TMCO6: variants seen among roughly 807,000 people sequenced by gnomAD.
TMCO6 encodes transmembrane and coiled-coil domains 6, also known as transmembrane and coiled-coil domain-containing protein 6.
TMCO6 carries 47 observed loss-of-function variants against 61.8 expected under a neutral mutation model. That is an observed-to-expected ratio of 0.76 (90% confidence interval 0.60 to 0.97). The LOEUF (loss-of-function observed/expected upper bound fraction) is 0.97, where lower values mean the gene tolerates loss of function less well. Ranked by LOEUF, TMCO6 falls within the 50% of genes least tolerant of loss-of-function variation. The probability of loss-of-function intolerance (pLI) is 0.00; values close to 1 mark genes in which losing one functional copy is unlikely to be tolerated. For missense variants in TMCO6, 557 were observed against 601.6 expected, an observed-to-expected ratio of 0.93 and a Z score of 0.78; for synonymous variants, 261 against 254.2, an observed-to-expected ratio of 1.03 and a Z score of -0.25.
the TMCO6 span, among the ~76,000 whole-genome samples, chr5:140,603,892 T>C: frequency 6.6e-6 from 1 of 152,230 alleles, no homozygotes; most frequent in Non-Finnish European, 1.5e-5. Context: ...GGTAATTATA[T>C]GTTTAACTTT....
At chr5:140,615,199 A>G in the TMCO6 span, among the ~76,000 whole-genome samples, 1 of 152,234 alleles carries the variant, frequency 6.6e-6, no homozygotes, top group Non-Finnish European at 1.5e-5. Flanking sequence ...CATTTACAAT[A>G]GCATGAAAAA....
At chr5:140,605,819 T>C in the TMCO6 span, among the ~76,000 whole-genome samples, 1 of 152,264 alleles carries the variant, frequency 6.6e-6, no homozygotes, top group Non-Finnish European at 1.5e-5. Context: ...TAATATTTGG[T>C]AGAATTCACC....
chr5:140,598,211 G>GTT, the TMCO6 span, among the ~76,000 whole-genome samples: 11 of 144,506 alleles, frequency 7.6e-5, no homozygotes, highest in African/African-American at 1.5e-4. Context: ...ATTTTATTTG[G>GTT]TTTTTTTTTT....
upstream of TMCO6, among the ~76,000 whole-genome samples, chr5:140,638,248 G>A (rs761476317): frequency 1.2e-4 from 19 of 152,148 alleles, no homozygotes; most frequent in Non-Finnish European, 2.2e-4. Flanking sequence ...ATCCCGGTTG[G>A]CTAAACATTT....
chr5:140,632,582 C>A, the TMCO6 span: 1 of 1,614,004 alleles, frequency 6.2e-7, no homozygotes, highest in Non-Finnish European at 8.5e-7. The surrounding 1 kb of genome is among the most constrained non-coding windows in gnomAD (Gnocchi z 6.2). Context: ...CCAGAGGCAG[C>A]GGAGGCATGG....
At chr5:140,647,399 CGGGGGCT>C, downstream of TMCO6, 1 of 1,611,048 alleles carries the variant, frequency 6.2e-7, no homozygotes, top group Middle Eastern at 1.7e-4. Flanking sequence ...GTGCTGTGGG[CGGGGGCT>C]TCCCTCAACT....
At chr5:140,620,603 G>A in the TMCO6 span, among the ~76,000 whole-genome samples, 1 of 152,200 alleles carries the variant, frequency 6.6e-6, no homozygotes, top group African/African-American at 2.4e-5. Flanking sequence ...TGTCGATAAT[G>A]AGGGAGGCTA....
At chr5:140,606,724 C>T in the TMCO6 span, among the ~76,000 whole-genome samples, 143 of 152,164 alleles carry the variant, frequency 9.4e-4, no homozygotes, top group Non-Finnish European at 1.5e-3. Flanking sequence ...CTCAGGAGTT[C>T]GAGACCAACC....
the TMCO6 span, chr5:140,632,659 C>A: frequency 1.9e-6 from 3 of 1,613,598 alleles, no homozygotes; most frequent in Non-Finnish European, 2.5e-6. The surrounding 1 kb of genome is among the most constrained non-coding windows in gnomAD (Gnocchi z 6.2). Context: ...ACACGCAGGG[C>A]GCCTACCAGT....
chr5:140,617,743 A>G, the TMCO6 span, among the ~76,000 whole-genome samples: 2 of 141,452 alleles, frequency 1.4e-5, no homozygotes, highest in South Asian at 2.2e-4. Flanking sequence ...AAAAAAAAAA[A>G]AAAAACTCAA....
At chr5:140,638,066 A>G (rs1312774900), upstream of TMCO6, among the ~76,000 whole-genome samples, 1 of 151,862 alleles carries the variant, frequency 6.6e-6, no homozygotes, top group African/African-American at 2.4e-5. Flanking sequence ...GAACACTCGA[A>G]CAAAGGATTA....
At chr5:140,607,718 T>C in the TMCO6 span, among the ~76,000 whole-genome samples, 1 of 151,776 alleles carries the variant, frequency 6.6e-6, no homozygotes, top group Non-Finnish European at 1.5e-5. Flanking sequence ...TTGTTTCCAA[T>C]TTTTTTTATT....
Position 140,643,752 on chromosome 5 carries a change from C to T in TMCO6, c.919-28C>T. ...AATGCAGGTAACCTCTTCCTTCTTA[C>T]ACCTGACCCCCCAATTTGTCTTTGC... On this transcript the variant is annotated intron_variant, in intron 8 of 11. Coordinates refer to ENST00000394671, the MANE Select transcript of TMCO6 (RefSeq NM_018502.5). 5.0e-6 allele frequency: 8 copies of T among 1,611,200 alleles called. No individual in the cohort carries two copies. The East Asian group carries it at 6.7e-5, about 13-fold the overall frequency.
chr5:140,618,958 GAAA>G, the TMCO6 span, among the ~76,000 whole-genome samples: 4 of 152,186 alleles, frequency 2.6e-5, no homozygotes, highest in Non-Finnish European at 5.9e-5. Context: ...GTTCATAAAA[GAAA>G]GAATCGATAA....
chr5:140,614,065 A>AT, the TMCO6 span, among the ~76,000 whole-genome samples: 2 of 151,800 alleles, frequency 1.3e-5, no homozygotes, highest in South Asian at 2.1e-4. Context: ...TGCCCAGCTA[A>AT]TTTTTTTGTA....
chr5:140,603,995 A>G, the TMCO6 span, among the ~76,000 whole-genome samples: 1 of 152,178 alleles, frequency 6.6e-6, no homozygotes, highest in African/African-American at 2.4e-5. Context: ...CATCCTCACC[A>G]ACACTTGTTA....
chr5:140,628,587 C>T, the TMCO6 span, among the ~76,000 whole-genome samples: 2 of 152,088 alleles, frequency 1.3e-5, no homozygotes, highest in African/African-American at 4.8e-5. Flanking sequence ...TACAGGAGCA[C>T]ACCACCACAT....
At chr5:140,611,314 A>G in the TMCO6 span, among the ~76,000 whole-genome samples, 1 of 152,168 alleles carries the variant, frequency 6.6e-6, no homozygotes, top group East Asian at 1.9e-4. Flanking sequence ...CGCCACCCCC[A>G]GTCTGCTTTT....
chr5:140,613,386 T>TAAAAAAAAAAAAA, the TMCO6 span, among the ~76,000 whole-genome samples: 11 of 87,438 alleles, frequency 1.3e-4, no homozygotes, highest in African/African-American at 5.2e-4. Flanking sequence ...AGACTCTGAC[T>TAAAAAAAAAAAAA]AAAAAAAAAA....
Sources: gnomAD v4.1 joint callset for allele counts (sites outside exome capture counted in the v4.1 genomes callset) on GRCh38, gnomAD v4.1.1 for gene constraint, Gnocchi (gnomAD v3.1) non-coding constraint, MANE v1.5 for transcripts, NCBI Gene and HGNC (gene_info 2026-07-23, HGNC 2026-07-21) for gene names.